Variants in CIMIP4 observed in about 807,000 individuals in gnomAD.
The protein encoded by CIMIP4 is protein EAN57.
chr22:37,002,226 T>C, the CIMIP4 span: 245 of 1,458,834 alleles, frequency 1.7e-4, 1 homozygote, highest in African/African-American at 3.1e-3. Context: ...TCCAAGGAAC[T>C]GTAGGCCGCT....
At chr22:36,992,840 G>A in the CIMIP4 span, among the ~76,000 whole-genome samples, 14 of 150,906 alleles carry the variant, frequency 9.3e-5, no homozygotes, top group East Asian at 1.8e-3. Context: ...GGCTGGGCGC[G>A]GTGGCTCACG....
At chr22:36,999,785 C>G in the CIMIP4 span, 1 of 1,572,888 alleles carries the variant, frequency 6.4e-7, no homozygotes, top group Non-Finnish European at 8.6e-7. Flanking sequence ...CTTCCCTGCC[C>G]AATGCCTGGG....
At chr22:36,994,806 A>G in the CIMIP4 span, among the ~76,000 whole-genome samples, 1 of 151,544 alleles carries the variant, frequency 6.6e-6, no homozygotes, top group Non-Finnish European at 1.5e-5. Flanking sequence ...AATTTTTTGT[A>G]TTTTTAGTAG....
chr22:37,002,977 G>C, the CIMIP4 span, among the ~76,000 whole-genome samples: 3 of 152,310 alleles, frequency 2.0e-5, no homozygotes, highest in Admixed American at 1.3e-4. Flanking sequence ...TAGGTCTCTT[G>C]CTCTCAGCCT....
At chr22:37,006,600 A>T in the CIMIP4 span, among the ~76,000 whole-genome samples, 1 of 152,212 alleles carries the variant, frequency 6.6e-6, no homozygotes, top group Non-Finnish European at 1.5e-5. Flanking sequence ...GAGCTGATTT[A>T]TATGACCAGA....
chr22:37,006,504 T>C, the CIMIP4 span, among the ~76,000 whole-genome samples: 2 of 152,222 alleles, frequency 1.3e-5, no homozygotes, highest in African/African-American at 2.4e-5. Flanking sequence ...GCAAATTACT[T>C]AGTTTCACAG....
chr22:37,005,943 T>C, the CIMIP4 span, among the ~76,000 whole-genome samples: 1 of 151,838 alleles, frequency 6.6e-6, no homozygotes, highest in Non-Finnish European at 1.5e-5. Context: ...TGCCCAGGAG[T>C]GTGACTGTGC....
the CIMIP4 span, chr22:37,003,889 C>T: frequency 6.9e-6 from 10 of 1,445,712 alleles, no homozygotes; most frequent in South Asian, 2.7e-5. Flanking sequence ...GAGAAAGGGC[C>T]GGTGCCCTGC....
the CIMIP4 span, among the ~76,000 whole-genome samples, chr22:36,997,551 C>T: frequency 1.4e-4 from 21 of 152,196 alleles, no homozygotes; most frequent in Non-Finnish European, 3.1e-4. Context: ...TCCAAAATAG[C>T]GCAGGTGCAC....
chr22:36,994,221 G>A, the CIMIP4 span, among the ~76,000 whole-genome samples: 2 of 152,146 alleles, frequency 1.3e-5, no homozygotes, highest in African/African-American at 4.8e-5. Flanking sequence ...ATCAAGCAAA[G>A]CATATTAATA....
the CIMIP4 span, among the ~76,000 whole-genome samples, chr22:37,006,596 A>G: frequency 1.3e-5 from 2 of 152,208 alleles, no homozygotes; most frequent in African/African-American, 4.8e-5. Flanking sequence ...CCTGGAGCTG[A>G]TTTATATGAC....
the CIMIP4 span, chr22:36,991,403 T>C: frequency 6.4e-7 from 1 of 1,570,232 alleles, no homozygotes; most frequent in Non-Finnish European, 8.8e-7. Context: ...CTCTGGTTTC[T>C]CTCTGACCCT....
chr22:37,002,415 A>C, the CIMIP4 span: 1 of 649,596 alleles, frequency 1.5e-6, no homozygotes, highest in Non-Finnish European at 2.3e-6. Context: ...AAACGGACAG[A>C]CAAAGAGCCC....
At chr22:36,999,704 G>T in the CIMIP4 span, 9 of 1,116,750 alleles carry the variant, frequency 8.1e-6, no homozygotes, top group Non-Finnish European at 1.1e-5. Context: ...GGACACATGG[G>T]CATGAAATAA....
the CIMIP4 span, chr22:37,002,016 C>T: frequency 6.2e-7 from 1 of 1,613,284 alleles, no homozygotes; most frequent in South Asian, 1.1e-5. Context: ...GCCCTGTTCT[C>T]TCTCGAGGAG....
chr22:37,003,924 C>T, the CIMIP4 span: 5 of 1,531,520 alleles, frequency 3.3e-6, no homozygotes, highest in Non-Finnish European at 3.5e-6. Context: ...CCTCCAGAAG[C>T]CTGGATGTGC....
chr22:36,992,736 G>T, the CIMIP4 span, among the ~76,000 whole-genome samples: 1 of 152,014 alleles, frequency 6.6e-6, no homozygotes, highest in African/African-American at 2.4e-5. Flanking sequence ...AGATAAAATA[G>T]CAGATCAAAT....
the CIMIP4 span, among the ~76,000 whole-genome samples, chr22:37,003,709 C>T: frequency 1.3e-5 from 2 of 152,208 alleles, no homozygotes; most frequent in Non-Finnish European, 2.9e-5. Context: ...GCACCTGAGT[C>T]ACCCCCTCAG....
chr22:37,004,408 G>T, the CIMIP4 span, among the ~76,000 whole-genome samples: 12 of 152,014 alleles, frequency 7.9e-5, no homozygotes, highest in African/African-American at 2.4e-4. Context: ...ACCACCCTAG[G>T]AGACCCTAGC....
Sources: allele counts gnomAD v4.1 joint callset (sites outside exome capture counted in the v4.1 genomes callset), GRCh38; gene constraint gnomAD v4.1.1; transcripts MANE v1.5; gene names NCBI Gene and HGNC (gene_info 2026-07-23, HGNC 2026-07-21).